The following MMP26 variants were observed in gnomAD, a reference collection of about 807,000 sequenced individuals.
MMP26 encodes matrix metallopeptidase 26.
A neutral mutation model predicts 31.0 loss-of-function variants in MMP26; 33 were observed. The observed-to-expected ratio is 1.06, with a 90% confidence interval of 0.81 to 1.42. MMP26 has a LOEUF of 1.42. MMP26 is among the 40% of genes most tolerant of loss of function. The pLI is 0.00. For synonymous variants in MMP26, 122 were observed against 114.9 expected (o/e 1.06, Z -0.40); for missense variants, 347 against 316.1 (o/e 1.10, Z -0.74).
intron 2 of MMP26, among the ~76,000 whole-genome samples, chr11:4,885,158 C>T (rs112168703): frequency 2.3e-3 from 356 of 151,966 alleles, no homozygotes; most frequent in African/African-American, 8.1e-3. Flanking sequence ...CAATAGGCTA[C>T]GAATTTGTGT....
intron 2 of MMP26, among the ~76,000 whole-genome samples, chr11:4,824,843 T>TTGAGAAAA (rs2133475374): frequency 6.6e-6 from 1 of 152,226 alleles, no homozygotes; most frequent in Admixed American, 6.5e-5. Context: ...AATGCCTTCA[T>TTGAGAAAA]GTCAATAAAC....
chr11:4,800,959 A>T (rs748792957), intron 2 of MMP26, among the ~76,000 whole-genome samples: 1 of 151,366 alleles, frequency 6.6e-6, no homozygotes, highest in African/African-American at 2.4e-5. Flanking sequence ...AGCTCCCAAT[A>T]GCTTCCTCAT....
intron 1 of MMP26, chr11:4,718,610 A>G (rs1265683809): frequency 1.9e-5 from 3 of 154,426 alleles, no homozygotes; most frequent in East Asian, 3.8e-4. Flanking sequence ...TTTGAGTTCA[A>G]TATGTCAACT....
intron 1 of MMP26, chr11:4,723,066 A>G: frequency 8.3e-7 from 1 of 1,204,604 alleles, no homozygotes; most frequent in Non-Finnish European, 1.2e-6. Context: ...AGCTCCTGGT[A>G]CCCATGCAGC....
chr11:4,771,709 A>G (rs972076089), intron 2 of MMP26, among the ~76,000 whole-genome samples: 1 of 152,212 alleles, frequency 6.6e-6, no homozygotes, highest in Admixed American at 6.5e-5. Context: ...TAGCAAGGAT[A>G]CAAGTTACTG....
chr11:4,769,764 T>C (rs760261943), intron 2 of MMP26: 9 of 1,613,938 alleles, frequency 5.6e-6, no homozygotes. Flanking sequence ...TGCTGGGTAA[T>C]GATGACAAAC....
chr11:4,943,637 G>A (rs1195800769), intron 2 of MMP26: 7 of 368,266 alleles, frequency 1.9e-5, no homozygotes, highest in African/African-American at 4.2e-5. Context: ...TGCAACAACC[G>A]AAGATGTCCC....
At chr11:4,873,246 C>T (rs1275234380) in intron 2 of MMP26, among the ~76,000 whole-genome samples, 1 of 151,954 alleles carries the variant, frequency 6.6e-6, no homozygotes, top group Non-Finnish European at 1.5e-5. Flanking sequence ...GCTTAGATTG[C>T]CAGTGTAGTG....
intron 2 of MMP26, chr11:4,943,506 C>A (rs1394016462): frequency 2.2e-6 from 1 of 455,912 alleles, no homozygotes; most frequent in Non-Finnish European, 4.4e-6. Context: ...TGCTTGGCAC[C>A]ACTGACATTT....
intron 2 of MMP26, among the ~76,000 whole-genome samples, chr11:4,817,582 A>G (rs1203163979): frequency 6.6e-6 from 1 of 152,226 alleles, no homozygotes; most frequent in Non-Finnish European, 1.5e-5. Flanking sequence ...GTGAGACTGC[A>G]TCTTAAAAAA....
At chr11:4,909,546 C>T (rs1850958341) in intron 2 of MMP26, 1 of 152,118 alleles carries the variant, frequency 6.6e-6, no homozygotes, top group African/African-American at 2.4e-5. Flanking sequence ...CCGTGGCCCT[C>T]TTAGACAATG....
At chr11:4,769,959 T>A in intron 2 of MMP26, 1 of 1,003,816 alleles carries the variant, frequency 1.0e-6, no homozygotes, top group Non-Finnish European at 1.6e-6. Context: ...AATGCTTCCA[T>A]CCTATAGAAG....
rs147760153 is a variant in MMP26, at chr11:4,890,794, C to A, written c.-144-97274C>A. Among the ~76,000 whole-genome samples, 1,117 of 152,018 alleles carry A rather than the reference C, an allele frequency of 7.3e-3. 11 individuals carry two copies. Among genetic ancestry groups the A allele is most frequent in the African/African-American group, 0.026 (1,064 of 41,484 alleles). The stretch of plus-strand genomic sequence containing the variant: ...GTCAGATCTTGACTGACAAAGGGAA[C>A]CAGAAATATGGGTACTTGCATACAT... On this transcript the variant is annotated intron_variant, in intron 2 of 7. Transcript: ENST00000380390.
intron 2 of MMP26, among the ~76,000 whole-genome samples, chr11:4,892,963 A>T (rs944928344): frequency 6.6e-6 from 1 of 152,084 alleles, no homozygotes; most frequent in Non-Finnish European, 1.5e-5. Context: ...TGCTAACGTC[A>T]ATCTTTTTCC....
intron 2 of MMP26, among the ~76,000 whole-genome samples, chr11:4,797,909 C>T (rs1341479464): frequency 6.6e-6 from 1 of 152,120 alleles, no homozygotes; most frequent in African/African-American, 2.4e-5. Flanking sequence ...CATTCTCTGC[C>T]ACTATTATAC....
intron 2 of MMP26, among the ~76,000 whole-genome samples, chr11:4,861,918 G>A (rs776787717): frequency 9.2e-5 from 14 of 152,028 alleles, no homozygotes; most frequent in Non-Finnish European, 1.8e-4. Context: ...AGCCTTCAAC[G>A]TAAAGCAAGA....
At chr11:4,935,015 C>A (rs1851413027) in intron 2 of MMP26, among the ~76,000 whole-genome samples, 1 of 151,532 alleles carries the variant, frequency 6.6e-6, no homozygotes, top group Non-Finnish European at 1.5e-5. Context: ...AGTGTGATGC[C>A]TCCAGCTTTG....
chr11:4,838,656 G>A (rs145790856), intron 2 of MMP26, among the ~76,000 whole-genome samples: 6 of 152,174 alleles, frequency 3.9e-5, no homozygotes, highest in Non-Finnish European at 7.4e-5. Context: ...ATCCATACTA[G>A]TGCACTTGGA....
chr11:4,893,062 C>T (rs913655640), intron 2 of MMP26, among the ~76,000 whole-genome samples: 1 of 151,996 alleles, frequency 6.6e-6, no homozygotes, highest in Non-Finnish European at 1.5e-5. Context: ...GCTTTGTTCT[C>T]AACTCCATTC....
Sources: gnomAD v4.1 joint callset for allele counts (sites outside exome capture counted in the v4.1 genomes callset) on GRCh38, gnomAD v4.1.1 for gene constraint, MANE v1.5 for transcripts, NCBI Gene and HGNC (gene_info 2026-07-23, HGNC 2026-07-21) for gene names.